Variants in CCDC112 observed in about 807,000 individuals in gnomAD.
The protein encoded by CCDC112 is coiled-coil domain-containing protein 112.
In CCDC112, 40 loss-of-function variants were observed where a neutral mutation model predicts 66.3. The ratio of observed to expected loss-of-function variants is 0.60; its 90% CI spans 0.47 to 0.79. CCDC112 has a LOEUF of 0.79. Among genes scored for constraint, CCDC112 ranks in the 30% least tolerant of loss-of-function variants. The probability of loss-of-function intolerance (pLI) is 0.00; values close to 1 mark genes in which losing one functional copy is unlikely to be tolerated. For missense variants in CCDC112, 659 were observed against 603.8 expected, an observed-to-expected ratio of 1.09 and a Z score of -0.96; for synonymous variants, 214 against 197.2, an observed-to-expected ratio of 1.09 and a Z score of -0.71.
intron 1 of CCDC112, among the ~76,000 whole-genome samples, chr5:115,289,595 G>A (rs912531843): frequency 6.6e-6 from 1 of 152,176 alleles, no homozygotes. Context: ...AAGCCAATTC[G>A]ATCTAAATTG....
chr5:115,269,697 G>T lies in CCDC112; in HGVS notation c.1428+6C>A. 1 of 1,568,702 alleles carries T rather than the reference G, an allele frequency of 6.4e-7. No individual in the cohort carries two copies. Among genetic ancestry groups the T allele is most frequent in the Non-Finnish European group, 8.7e-7 (1 of 1,150,258 alleles). ...TAACAATGAAAATAATCTCGGTGCA[G>T]AGTACCTTTTCTTTTAATTTTGCCA... On this transcript the variant is annotated splice_donor_region_variant and intron_variant, in intron 8 of 9. Transcript: ENST00000379611.
At chr5:115,296,403 A>C in intron 1 of CCDC112, 24 bp downstream of exon 1, 1 of 1,561,808 alleles carries the variant, frequency 6.4e-7, no homozygotes, top group Non-Finnish European at 8.6e-7. Flanking sequence ...CCGCCAGAGC[A>C]GCTCTCGGTT....
chr5:115,279,821 G>C, intron 2 of CCDC112, 53 bp from the exon 3 acceptor site: 1 of 977,416 alleles, frequency 1.0e-6, no homozygotes, highest in Non-Finnish European at 1.5e-6. Context: ...ATTTTTAATA[G>C]TTTAAAATAT....
At position 115,276,775 on chromosome 5, in the gene CCDC112, G is replaced by A. The variant is rs532752538; in HGVS notation, c.451+190C>T. 6.8e-4 allele frequency among the ~76,000 whole-genome samples: 104 copies of A among 152,156 alleles called. 1 individual carries two copies. Among genetic ancestry groups the A allele is most frequent in the African/African-American group, 2.4e-3 (100 of 41,536 alleles). ...AAATGCCCGATTATAGTTCTCCGGT[G>A]TAAACTTACTAAATCCTAACTGATA... On this transcript the variant is annotated intron_variant, in intron 4 of 9. Transcript: ENST00000379611.
rs781443185 is a variant in CCDC112 at position 115,284,860 on chromosome 5, G to A, written c.166C>T (p.Gln56Ter). The A allele has an allele frequency of 6.2e-7, 1 of 1,612,372 alleles. No homozygotes were observed. The highest frequency in any genetic ancestry group is 8.5e-7 in the Non-Finnish European group (1 of 1,178,842). The stretch of plus-strand genomic sequence containing the variant: ...TGATTAACTTTCTGCTTCCAGTTCT[G>A]AAGATGAAAAGGACGAATTCCACCT... ...TSGGIRPFHLQNWKQKVNQTK... is the reference protein window; with the variant it reads ...TSGGIRPFHL The change falls in exon 2 of 10, where the codon CAG becomes TAG. Residue 56 changes from glutamine (Q) to a stop codon, truncating the protein, a stop_gained. Coordinates refer to ENST00000379611, the MANE Select transcript of CCDC112 (RefSeq NM_001040440.3). LOFTEE classifies it high-confidence loss of function.
chr5:115,273,607 T>A (rs1180271904), intron 6 of CCDC112, among the ~76,000 whole-genome samples: 2 of 152,170 alleles, frequency 1.3e-5, no homozygotes, highest in African/African-American at 4.8e-5. Flanking sequence ...ACAAGGAAAA[T>A]AAGCTAGAAT....
chr5:115,275,897 CATA>C, intron 5 of CCDC112, 94 bp downstream of exon 5: 1 of 845,724 alleles, frequency 1.2e-6, no homozygotes, highest in Non-Finnish European at 1.9e-6. Context: ...GACTCAAATA[CATA>C]ATAACAGAAT....
At chr5:115,294,501 G>C (rs1017863257) in intron 1 of CCDC112, among the ~76,000 whole-genome samples, 4 of 152,218 alleles carry the variant, frequency 2.6e-5, no homozygotes, top group African/African-American at 9.6e-5. Flanking sequence ...ACTTGATCTT[G>C]AACTTCTAGC....
rs1237623326 is a variant in CCDC112, at chr5:115,288,392, A to G, written c.118-3484T>C. On this transcript the variant is annotated intron_variant, in intron 1 of 9. Transcript: ENST00000379611. The stretch of plus-strand genomic sequence containing the variant: ...TCTTCACATGTTGATAAGCTGTTAA[A>G]TACATCCCAGCAACTCACAATTTAA... Among the ~76,000 whole-genome samples the G allele has an allele frequency of 1.3e-5, 2 of 152,204 alleles. 1 individual carries two copies. Among genetic ancestry groups the G allele is most frequent in the Non-Finnish European group, 2.9e-5 (2 of 68,040 alleles).
At chr5:115,268,149 C>T (rs563033519) in intron 9 of CCDC112, among the ~76,000 whole-genome samples, 4 of 152,052 alleles carry the variant, frequency 2.6e-5, no homozygotes, top group African/African-American at 9.7e-5. Context: ...ATTAATCTAT[C>T]GATCTTTCAT....
intron 1 of CCDC112, among the ~76,000 whole-genome samples, chr5:115,292,821 G>T (rs1749991701): frequency 6.6e-6 from 1 of 152,192 alleles, no homozygotes; most frequent in African/African-American, 2.4e-5. Flanking sequence ...GGGAAAGGGG[G>T]TCTGTATGCA....
intron 2 of CCDC112, among the ~76,000 whole-genome samples, chr5:115,281,235 G>C (rs1226014710): frequency 6.6e-6 from 1 of 151,974 alleles, no homozygotes; most frequent in Non-Finnish European, 1.5e-5. Context: ...TGTTGGCCAG[G>C]CTAGTCTCAA....
Position 115,267,668 on chromosome 5 carries a change from G to A in CCDC112, c.*208C>T. The A allele has an allele frequency of 1.8e-6, 1 of 543,332 alleles. No individual in the cohort carries two copies. Among genetic ancestry groups the A allele is most frequent in the East Asian group, 3.3e-5 (1 of 30,748 alleles). The allele number at this position is 543,332 out of a possible 1,614,324, so 33.7% of individuals were successfully genotyped here. ...TTAAATAACTTTTACATCAATAATAGGCCAACACATATATTAAATACCTTC... is the reference window on the plus strand; with the variant it reads ...TTAAATAACTTTTACATCAATAATAAGCCAACACATATATTAAATACCTTC... On this transcript the variant is annotated 3_prime_UTR_variant, in exon 10 of 10. Coordinates refer to ENST00000379611, the MANE Select transcript of CCDC112 (RefSeq NM_001040440.3).
At chr5:115,269,839 C>A in intron 7 of CCDC112, 41 bp from the exon 8 acceptor site, 1 of 1,271,856 alleles carries the variant, frequency 7.9e-7, no homozygotes, top group Non-Finnish European at 1.1e-6. Context: ...AGCATGTGAA[C>A]TAGAATTTGT....
chr5:115,281,963 T>C (rs1409651145), intron 2 of CCDC112, among the ~76,000 whole-genome samples: 1 of 152,220 alleles, frequency 6.6e-6, no homozygotes, highest in Non-Finnish European at 1.5e-5. Flanking sequence ...ATTTGTAAAT[T>C]CATTTATCTC....
chr5:115,279,050 A>C (rs1038978518), intron 3 of CCDC112, among the ~76,000 whole-genome samples: 8 of 152,214 alleles, frequency 5.3e-5, no homozygotes, highest in African/African-American at 1.9e-4. Context: ...ACAATGATTA[A>C]TATTCATAAC....
chr5:115,279,797 T>A, intron 2 of CCDC112, 29 bp from the exon 3 acceptor site: 1 of 1,173,748 alleles, frequency 8.5e-7, no homozygotes, highest in Non-Finnish European at 1.2e-6. Flanking sequence ...ATAGTATAAA[T>A]ATGATCTAAA....
In CCDC112 at chr5:115,267,401, C is replaced by T. The variant is rs560586337; in HGVS notation, c.*475G>A. 99 of 156,016 alleles carry T rather than the reference C, an allele frequency of 6.3e-4. 1 individual carries two copies. The highest frequency in any genetic ancestry group is 4.2e-3 in the South Asian group (21 of 5,050). The allele number at this position is 156,016 out of a possible 1,614,324, so 9.7% of individuals were successfully genotyped here. On this transcript the variant is annotated 3_prime_UTR_variant, in exon 10 of 10. Coordinates refer to ENST00000379611, the MANE Select transcript of CCDC112 (RefSeq NM_001040440.3). ...TATTACACAAAAATGTCATAACTGACAAACTGCCAATTTGTTAAACATAGA... is the reference window on the plus strand; with the variant it reads ...TATTACACAAAAATGTCATAACTGATAAACTGCCAATTTGTTAAACATAGA...
rs527683957 is a variant in CCDC112, at chr5:115,284,562, A to G, written c.239+225T>C. On this transcript the variant is annotated intron_variant, in intron 2 of 9. Coordinates refer to ENST00000379611, the MANE Select transcript of CCDC112 (RefSeq NM_001040440.3). Reference sequence around the variant, plus strand: ...TTCCCTTGAAATACACAGATTCAAAATTGTAAAAATAAAGAAAATTGAAAT... The same window carrying G: ...TTCCCTTGAAATACACAGATTCAAAGTTGTAAAAATAAAGAAAATTGAAAT... Among the ~76,000 whole-genome samples the G allele has an allele frequency of 1.6e-3, 241 of 152,310 alleles. 2 individuals are homozygous for G. The highest frequency in any genetic ancestry group is 5.3e-3 in the African/African-American group (222 of 41,578).
Sources: allele counts gnomAD v4.1 joint callset (sites outside exome capture counted in the v4.1 genomes callset), GRCh38; gene constraint gnomAD v4.1.1; transcripts MANE v1.5; gene names NCBI Gene and HGNC (gene_info 2026-07-23, HGNC 2026-07-21).